Variants in KDM4C observed in about 807,000 individuals in gnomAD.
The protein encoded by KDM4C is lysine demethylase 4C, also known as lysine-specific demethylase 4C.
KDM4C carries 81 observed loss-of-function variants against 129.3 expected under a neutral mutation model. That is an observed-to-expected ratio of 0.63 (90% CI 0.52 to 0.75). The LOEUF is 0.75. KDM4C is among the 30% of genes least tolerant of loss of function. The pLI, the probability that KDM4C is intolerant of heterozygous loss-of-function variation, is 0.00. For missense variants in KDM4C, 1,457 were observed against 1,304.0 expected (o/e 1.12, Z -1.81); for synonymous variants, 573 against 456.1 (o/e 1.26, Z -3.26).
At chr9:6,817,320 A>T (rs1832299651) in intron 4 of KDM4C, among the ~76,000 whole-genome samples, 1 of 148,432 alleles carries the variant, frequency 6.7e-6, no homozygotes, top group Non-Finnish European at 1.5e-5. Flanking sequence ...TCCTGCCTCC[A>T]CCTCCTATGT....
At chr9:7,170,517 C>T in intron 21 of KDM4C, 1 of 971,958 alleles carries the variant, frequency 1.0e-6, no homozygotes, top group Non-Finnish European at 1.2e-6. Flanking sequence ...GACAAATATT[C>T]AAAACTGCAG....
intron 1 of KDM4C, among the ~76,000 whole-genome samples, chr9:6,788,526 C>T (rs753143254): frequency 3.4e-4 from 51 of 152,182 alleles, no homozygotes; most frequent in Non-Finnish European, 6.3e-4. Context: ...TTCTAAGTAA[C>T]TTTTCTGTGT....
At chr9:6,953,254 A>G (rs1349122499) in intron 8 of KDM4C, among the ~76,000 whole-genome samples, 1 of 152,198 alleles carries the variant, frequency 6.6e-6, no homozygotes, top group Non-Finnish European at 1.5e-5. Context: ...CTTGAAATAT[A>G]GAGTGGTCTG....
chr9:6,983,463 G>A (rs1182373254), intron 9 of KDM4C, among the ~76,000 whole-genome samples: 3 of 152,086 alleles, frequency 2.0e-5, no homozygotes, highest in Non-Finnish European at 4.4e-5. Flanking sequence ...TAGGCTGAAT[G>A]TGGTGGCTCA....
At chr9:7,130,441 C>A (rs1213193868) in intron 19 of KDM4C, among the ~76,000 whole-genome samples, 1 of 152,210 alleles carries the variant, frequency 6.6e-6, no homozygotes, top group Non-Finnish European at 1.5e-5. Flanking sequence ...CCTCCATTTC[C>A]TTCCTCTGTG....
At position 6,991,711 on chromosome 9, in the gene KDM4C, A is replaced by G. The variant is rs115000027; in HGVS notation, c.1786+1187A>G. Among the ~76,000 whole-genome samples, 722 of 152,170 alleles carry G rather than the reference A, an allele frequency of 4.7e-3. 5 individuals carry two copies. Among genetic ancestry groups the G allele is most frequent in the African/African-American group, 0.017 (692 of 41,530 alleles). On this transcript the variant is annotated intron_variant, in intron 12 of 21. Transcript: ENST00000381309. ...CACAGATTTTTTCCCCCTTTCACTCACTTTTCACTTATGTCCCATGTTTAG... is the reference window on the plus strand; with the variant it reads ...CACAGATTTTTTCCCCCTTTCACTCGCTTTTCACTTATGTCCCATGTTTAG...
intron 1 of KDM4C, among the ~76,000 whole-genome samples, chr9:6,761,745 A>G (rs1009203016): frequency 2.0e-5 from 3 of 152,300 alleles, no homozygotes; most frequent in African/African-American, 7.2e-5. Flanking sequence ...CTCAATATCT[A>G]CTGAAAAATG....
intron 17 of KDM4C, among the ~76,000 whole-genome samples, chr9:7,085,937 C>T (rs1835063642): frequency 6.6e-6 from 1 of 152,098 alleles, no homozygotes; most frequent in Non-Finnish European, 1.5e-5. Context: ...AGGTGGATCG[C>T]CTGAAGTCAG....
At chr9:6,785,138 A>G (rs1431669026) in intron 1 of KDM4C, among the ~76,000 whole-genome samples, 1 of 152,182 alleles carries the variant, frequency 6.6e-6, no homozygotes, top group Non-Finnish European at 1.5e-5. Flanking sequence ...ACAGTTCTGG[A>G]GGCTAAAGGC....
intron 1 of KDM4C, among the ~76,000 whole-genome samples, chr9:6,767,443 C>CT (rs569257093): frequency 0.065 from 9,740 of 150,104 alleles, 464 homozygotes; most frequent in Non-Finnish European, 0.099. Context: ...GCACGGCCCC[C>CT]TTTTTTTTTG....
At chr9:6,932,264 G>A (rs1267428864) in intron 8 of KDM4C, among the ~76,000 whole-genome samples, 1 of 152,140 alleles carries the variant, frequency 6.6e-6, no homozygotes, top group Non-Finnish European at 1.5e-5. Context: ...GCAGAGGGAG[G>A]ACTGTGTGTA....
rs1023872533 is a variant in KDM4C, at chr9:6,984,392, A to G, written c.1342A>G (p.Ile448Val). 3.1e-6 allele frequency: 5 copies of G among 1,608,778 alleles called. No individual in the cohort carries two copies. The highest frequency in any genetic ancestry group is 4.3e-6 in the Non-Finnish European group (5 of 1,175,510). ...GGTGGAGCAGAATTTATCAGATCATATCAAACTCTCAGGTGAGAAGATGGT... is the reference window on the plus strand; with the variant it reads ...GGTGGAGCAGAATTTATCAGATCATGTCAAACTCTCAGGTGAGAAGATGGT... ...MQVEQNLSDH[I>V]KLSGNSCLST... The change falls in exon 10 of 22, where the codon ATC (isoleucine) becomes GTC (valine). Residue 448 changes from isoleucine (I) to valine (V), a missense_variant. Transcript: ENST00000381309.
intron 19 of KDM4C, among the ~76,000 whole-genome samples, chr9:7,134,898 C>T (rs534172536): frequency 1.4e-3 from 215 of 152,298 alleles, no homozygotes; most frequent in African/African-American, 4.9e-3. Flanking sequence ...AACCTTGTGC[C>T]TTTCACTGGG....
intron 8 of KDM4C, among the ~76,000 whole-genome samples, chr9:6,907,372 CATTT>C (rs572276258): frequency 6.6e-6 from 1 of 152,022 alleles, no homozygotes. Context: ...GGTTGACATT[CATTT>C]ATTTATTTTT....
At chr9:7,159,412 G>A (rs1187728635) in intron 19 of KDM4C, among the ~76,000 whole-genome samples, 1 of 152,208 alleles carries the variant, frequency 6.6e-6, no homozygotes, top group African/African-American at 2.4e-5. Context: ...AGTTGATGCA[G>A]TTTCTTCATA....
intron 8 of KDM4C, among the ~76,000 whole-genome samples, chr9:6,939,212 C>T (rs2131374537): frequency 6.6e-6 from 1 of 152,102 alleles, no homozygotes; most frequent in African/African-American, 2.4e-5. Flanking sequence ...AGCTCCACCT[C>T]CTGTCAGATC....
chr9:7,137,061 C>A (rs1383220574), intron 19 of KDM4C, among the ~76,000 whole-genome samples: 2 of 152,220 alleles, frequency 1.3e-5, no homozygotes, highest in African/African-American at 4.8e-5. Flanking sequence ...GAGGAGATCT[C>A]TGGCCCTGAA....
At chr9:6,834,721 C>T (rs1835543246) in intron 4 of KDM4C, 3 of 925,066 alleles carry the variant, frequency 3.2e-6, no homozygotes, top group East Asian at 2.4e-5. Flanking sequence ...GGCACCACAC[C>T]TTCTAAAGGG....
chr9:7,154,683 C>T (rs1842995065), intron 19 of KDM4C, among the ~76,000 whole-genome samples: 1 of 152,210 alleles, frequency 6.6e-6, no homozygotes, highest in South Asian at 2.1e-4. Flanking sequence ...AGGTTGAGTA[C>T]TCCTATCAGT....
Sources: gnomAD v4.1 joint callset for allele counts (sites outside exome capture counted in the v4.1 genomes callset) on GRCh38, gnomAD v4.1.1 for gene constraint, MANE v1.5 for transcripts, NCBI Gene and HGNC (gene_info 2026-07-23, HGNC 2026-07-21) for gene names.